Variants in STARD13 observed in about 807,000 individuals in gnomAD.
STARD13 encodes the protein stAR-related lipid transfer protein 13.
In STARD13, 62 loss-of-function variants were observed where a neutral mutation model predicts 106.4. That is an observed-to-expected ratio of 0.58 (90% CI 0.48 to 0.72). The LOEUF (loss-of-function observed/expected upper bound fraction) is 0.72. Among genes scored for constraint, STARD13 ranks in the 30% least tolerant of loss-of-function variants. STARD13 has a pLI of 0.00. For synonymous variants in STARD13, 565 were observed against 553.0 expected (o/e 1.02, Z -0.31); for missense variants, 1,387 against 1,424.0 (o/e 0.97, Z 0.42).
chr13:33,547,958 A>G, the STARD13 span, among the ~76,000 whole-genome samples: 2 of 152,158 alleles, frequency 1.3e-5, no homozygotes, highest in African/African-American at 2.4e-5. Context: ...AATTTTTTCT[A>G]TTTAAAAATA....
the STARD13 span, among the ~76,000 whole-genome samples, chr13:33,423,042 C>T: frequency 2.0e-5 from 3 of 152,174 alleles, no homozygotes; most frequent in Non-Finnish European, 1.5e-5. Context: ...TGAGCAAGCA[C>T]TTCATGGCTA....
chr13:33,404,896 C>A, the STARD13 span, among the ~76,000 whole-genome samples: 6 of 151,902 alleles, frequency 3.9e-5, no homozygotes, highest in Admixed American at 3.9e-4. Flanking sequence ...CCTGCCTCAG[C>A]CTCTCGAGGA....
intron 3 of STARD13, among the ~76,000 whole-genome samples, chr13:33,143,211 C>A (rs978803698): frequency 1.3e-5 from 2 of 152,200 alleles, no homozygotes; most frequent in African/African-American, 2.4e-5. Flanking sequence ...CTAATAAATA[C>A]ATTTTGATTT....
At chr13:33,361,028 G>C in the STARD13 span, among the ~76,000 whole-genome samples, 5 of 142,536 alleles carry the variant, frequency 3.5e-5, no homozygotes, top group African/African-American at 1.0e-4. Context: ...GGATGATCTC[G>C]ATCTCCTGAC....
the STARD13 span, among the ~76,000 whole-genome samples, chr13:33,648,066 A>G: frequency 6.6e-6 from 1 of 152,224 alleles, no homozygotes; most frequent in Admixed American, 6.5e-5. Context: ...AAGCATATTT[A>G]TAAGCTGAGT....
chr13:33,503,949 T>C, the STARD13 span, among the ~76,000 whole-genome samples: 1 of 152,144 alleles, frequency 6.6e-6, no homozygotes, highest in African/African-American at 2.4e-5. Flanking sequence ...GCAAAGTATA[T>C]GAACAGACTC....
At chr13:33,504,408 T>C in the STARD13 span, among the ~76,000 whole-genome samples, 4 of 152,028 alleles carry the variant, frequency 2.6e-5, no homozygotes, top group Non-Finnish European at 5.9e-5. Flanking sequence ...ATATACACCA[T>C]GGAAAACTAT....
chr13:33,349,401 G>A (rs2078049706), intron 1 of STARD13, among the ~76,000 whole-genome samples: 1 of 152,154 alleles, frequency 6.6e-6, no homozygotes, highest in Admixed American at 6.5e-5. Flanking sequence ...TCCCTTATTG[G>A]GGCAGGCATG....
At chr13:33,391,449 G>A in the STARD13 span, among the ~76,000 whole-genome samples, 1 of 152,172 alleles carries the variant, frequency 6.6e-6, no homozygotes, top group Admixed American at 6.5e-5. Flanking sequence ...TGTTGCTTTA[G>A]TGAGATAAAT....
At chr13:33,307,280 A>G (rs372392824) in intron 1 of STARD13, among the ~76,000 whole-genome samples, 1 of 152,244 alleles carries the variant, frequency 6.6e-6, no homozygotes, top group South Asian at 2.1e-4. Context: ...CAGAACTACC[A>G]TTTGACCGAG....
chr13:33,508,414 A>G, the STARD13 span, among the ~76,000 whole-genome samples: 1 of 152,196 alleles, frequency 6.6e-6, no homozygotes, highest in South Asian at 2.1e-4. Flanking sequence ...GGACAAGTGG[A>G]AAAAAATGTA....
chr13:33,575,793 AC>A, the STARD13 span, among the ~76,000 whole-genome samples: 1 of 152,132 alleles, frequency 6.6e-6, no homozygotes, highest in Non-Finnish European at 1.5e-5. Flanking sequence ...AGCCTGCAGA[AC>A]TGTGAGCTAA....
At chr13:33,249,554 A>G (rs1465666706) in intron 1 of STARD13, among the ~76,000 whole-genome samples, 1 of 152,156 alleles carries the variant, frequency 6.6e-6, no homozygotes, top group African/African-American at 2.4e-5. Flanking sequence ...TGCCAATATT[A>G]TTTCTAATCC....
At chr13:33,283,772 G>A (rs981265463) in intron 1 of STARD13, among the ~76,000 whole-genome samples, 4 of 152,168 alleles carry the variant, frequency 2.6e-5, no homozygotes, top group African/African-American at 9.6e-5. Flanking sequence ...GTGCCCATAT[G>A]TCTGTGTGAC....
At chr13:33,547,912 G>T in the STARD13 span, among the ~76,000 whole-genome samples, 1 of 152,116 alleles carries the variant, frequency 6.6e-6, no homozygotes. Flanking sequence ...TAAAAAGTTT[G>T]TTAGGAAGAA....
intron 1 of STARD13, among the ~76,000 whole-genome samples, chr13:33,234,972 G>C (rs1889113966): frequency 6.6e-6 from 1 of 152,092 alleles, no homozygotes. Context: ...ATATTTTAAG[G>C]ATCTTATGTA....
At chr13:33,648,622 G>A in the STARD13 span, among the ~76,000 whole-genome samples, 1 of 151,988 alleles carries the variant, frequency 6.6e-6, no homozygotes, top group Non-Finnish European at 1.5e-5. Context: ...GTGTATTAAG[G>A]AGGTCCTTAG....
chr13:33,571,456 TC>T, the STARD13 span, among the ~76,000 whole-genome samples: 2 of 152,194 alleles, frequency 1.3e-5, no homozygotes, highest in African/African-American at 4.8e-5. Context: ...CCTGCATTTT[TC>T]TGCATACCTT....
intron 1 of STARD13, among the ~76,000 whole-genome samples, chr13:33,322,044 T>C (rs1405923175): frequency 6.6e-6 from 1 of 152,226 alleles, no homozygotes; most frequent in African/African-American, 2.4e-5. Context: ...ATGTTCTGAA[T>C]AAAGTAGTGT....
Sources: allele counts gnomAD v4.1 joint callset (sites outside exome capture counted in the v4.1 genomes callset), GRCh38; gene constraint gnomAD v4.1.1; transcripts MANE v1.5; gene names NCBI Gene and HGNC (gene_info 2026-07-23, HGNC 2026-07-21).